Variants in ENO4 observed in about 807,000 individuals in gnomAD.
ENO4 encodes the protein enolase 4.
In ENO4, 53 loss-of-function variants were observed where a neutral mutation model predicts 63.2. That is an observed-to-expected ratio of 0.84 (90% CI 0.67 to 1.05). The LOEUF (loss-of-function observed/expected upper bound fraction) is 1.05. Ranked by LOEUF, ENO4 falls within the 50% of genes least tolerant of loss-of-function variation. ENO4 has a pLI of 0.00. For missense variants in ENO4, 719 were observed against 772.0 expected (o/e 0.93, Z 0.81); for synonymous variants, 266 against 283.8 (o/e 0.94, Z 0.63).
intron 9 of ENO4, among the ~76,000 whole-genome samples, chr10:116,872,048 T>C (rs1436002892): frequency 6.6e-6 from 1 of 152,010 alleles, no homozygotes. Flanking sequence ...ATGCAAAAAA[T>C]TAGCTGGGCG....
At chr10:116,865,677 G>A (rs1846532184) in intron 7 of ENO4, among the ~76,000 whole-genome samples, 1 of 152,206 alleles carries the variant, frequency 6.6e-6, no homozygotes, top group South Asian at 2.1e-4. Flanking sequence ...GACATCTGTA[G>A]TGGTCTTGGC....
chr10:116,853,621 G>A (rs1266418091), intron 1 of ENO4, among the ~76,000 whole-genome samples: 4 of 152,018 alleles, frequency 2.6e-5, no homozygotes, highest in South Asian at 4.2e-4. Flanking sequence ...AACACAACAC[G>A]CGGCACATTA....
intron 13 of ENO4, among the ~76,000 whole-genome samples, chr10:116,880,351 C>CA (rs1391270913): frequency 6.6e-6 from 1 of 152,112 alleles, no homozygotes; most frequent in Non-Finnish European, 1.5e-5. Context: ...TTTTTGGAAA[C>CA]AAACTGTTTT....
chr10:116,881,356 AAC>A, intron 13 of ENO4, 157 bp from the exon 14 acceptor site: 3 of 571,904 alleles, frequency 5.2e-6, no homozygotes, highest in Non-Finnish European at 9.3e-6. Context: ...ATTAACATAT[AAC>A]CAAAGATACG....
downstream of ENO4, among the ~76,000 whole-genome samples, chr10:116,887,113 G>A (rs1363955012): frequency 6.6e-6 from 1 of 152,218 alleles, no homozygotes; most frequent in Non-Finnish European, 1.5e-5. Flanking sequence ...GACTTCAGGA[G>A]GGGGTGGTGG....
intron 10 of ENO4, among the ~76,000 whole-genome samples, chr10:116,889,685 T>C (rs1847275343): frequency 6.6e-6 from 1 of 152,206 alleles, no homozygotes; most frequent in Admixed American, 6.5e-5. Flanking sequence ...GCCTTTTCCA[T>C]GACAGCATGC....
At chr10:116,862,722 T>C (rs1220561653) in intron 6 of ENO4, 77 bp from the exon 7 acceptor site, 25 of 1,003,230 alleles carry the variant, frequency 2.5e-5, no homozygotes. Context: ...GAGTTAGAAA[T>C]AGCCACGTGT....
chr10:116,865,052 A>G (rs150066526), intron 7 of ENO4, among the ~76,000 whole-genome samples: 3 of 152,272 alleles, frequency 2.0e-5, no homozygotes, highest in East Asian at 1.9e-4. Flanking sequence ...ACAACAGAGA[A>G]CAGTGTTTAA....
intron 11 of ENO4, among the ~76,000 whole-genome samples, chr10:116,878,738 ATATCTTTTTTT>A (rs1564853401): frequency 1.2e-5 from 1 of 86,404 alleles, no homozygotes; most frequent in African/African-American, 3.7e-5. Flanking sequence ...TACAAATCAT[ATATCTTTTTTT>A]TTTTTTTTTT....
At chr10:116,888,231 G>A (rs1371002196) in intron 10 of ENO4, among the ~76,000 whole-genome samples, 3 of 152,206 alleles carry the variant, frequency 2.0e-5, no homozygotes, top group East Asian at 1.9e-4. Context: ...CCTTGGCCAA[G>A]GAACTACTTC....
In ENO4 at chr10:116,859,084, G is replaced by A. The variant is rs1417766234; in HGVS notation, c.580G>A (p.Val194Ile). ...AACAGTGCCTACACCTCTACCTCCA[G>A]TACCACCACCACCACCCCCTCCACC... ...YSTVPTPLPP[V>I]PPPPPPPPPT... The change falls in exon 4 of 14, where the codon GTA (valine) becomes ATA (isoleucine). Residue 194 changes from valine (V) to isoleucine (I), a missense_variant. Physicochemically the swap from Val to Ile is conservative, Grantham distance 29. Coordinates refer to ENST00000341276, the MANE Select transcript of ENO4 (RefSeq NM_001242699.2). 1 of 1,534,802 alleles carries A rather than the reference G, an allele frequency of 6.5e-7. No individual in the cohort carries two copies. The highest frequency in any genetic ancestry group is 1.2e-5 in the South Asian group (1 of 83,890).
chr10:116,887,496 C>A (rs939421433), downstream of ENO4, among the ~76,000 whole-genome samples: 10 of 152,080 alleles, frequency 6.6e-5, no homozygotes, highest in Non-Finnish European at 1.3e-4. Flanking sequence ...ACCCGGCACA[C>A]CACCATCCCA....
At chr10:116,861,221 TA>T (rs56177931) in intron 6 of ENO4, 31 bp downstream of exon 6, 11,327 of 293,396 alleles carry the variant, frequency 0.039, 171 homozygotes, top group African/African-American at 0.085. Flanking sequence ...TTACCTTTTC[TA>T]AAAAAAAAAA....
rs1564865411 is a variant in ENO4 at position 116,899,975 on chromosome 10, C to A, written c.1195-11524C>A. Reference sequence around the variant, plus strand: ...CATGTAACTACATTAAGTTAAAATTCTTTTAGTCATTAAAAGGTTTAAACA... The same window carrying A: ...CATGTAACTACATTAAGTTAAAATTATTTTAGTCATTAAAAGGTTTAAACA... On this transcript the variant is annotated intron_variant, in intron 10 of 10. Transcript: ENST00000369207. Among the ~76,000 whole-genome samples the A allele has an allele frequency of 2.0e-5, 3 of 152,126 alleles. No homozygotes were observed. The South Asian group carries it at 6.2e-4, about 32-fold the overall frequency.
chr10:116,908,044 T>C (rs867128425), intron 10 of ENO4: 2 of 442,762 alleles, frequency 4.5e-6, no homozygotes, highest in East Asian at 1.4e-4. Flanking sequence ...TGGTTACAAA[T>C]CTCATAATTA....
Position 116,900,620 on chromosome 10 carries a change from T to C in ENO4, c.1195-10879T>C. ...AGAAACTAACTTGTCTCAGCCAAAT[T>C]GCTTTTGTGTCTGGATATTGGTTCA... On this transcript the variant is annotated intron_variant, in intron 10 of 10. Coordinates refer to the ENO4 transcript ENST00000369207. 5.2e-6 allele frequency: 8 copies of C among 1,525,582 alleles called. No individual in the cohort carries two copies. The South Asian group carries it at 9.7e-5, about 18-fold the overall frequency. The allele number at this position is 1,525,582 out of a possible 1,614,324, so 94.5% of individuals were successfully genotyped here.
downstream of ENO4, chr10:116,911,886 T>C (rs1240477448): frequency 5.1e-6 from 7 of 1,384,768 alleles, no homozygotes. Context: ...GTAATTCAGT[T>C]TAAAAATACT....
chr10:116,890,635 C>T (rs1360751075), intron 10 of ENO4, among the ~76,000 whole-genome samples: 1 of 152,132 alleles, frequency 6.6e-6, no homozygotes, highest in Admixed American at 6.5e-5. Flanking sequence ...AGAAATATAC[C>T]AAGTTATGCC....
intron 13 of ENO4, among the ~76,000 whole-genome samples, chr10:116,880,543 G>A (rs987398924): frequency 3.9e-5 from 6 of 152,138 alleles, no homozygotes; most frequent in African/African-American, 1.2e-4. Flanking sequence ...TTATATTACT[G>A]ATTGTGATGG....
Sources: allele counts gnomAD v4.1 joint callset (sites outside exome capture counted in the v4.1 genomes callset), GRCh38; gene constraint gnomAD v4.1.1; transcripts MANE v1.5; gene names NCBI Gene and HGNC (gene_info 2026-07-23, HGNC 2026-07-21).